Variants in TRAFD1 observed in about 807,000 individuals in gnomAD.
TRAFD1 encodes the protein TRAF-type zinc finger domain-containing protein 1.
Under a neutral mutation model 65.3 loss-of-function variants are expected in TRAFD1, and 38 were observed. The ratio of observed to expected loss-of-function variants is 0.58; its 90% CI spans 0.45 to 0.76. The LOEUF (loss-of-function observed/expected upper bound fraction) is 0.76. TRAFD1 is among the 30% of genes least tolerant of loss of function. The probability of loss-of-function intolerance (pLI) is 0.00; values close to 1 mark genes in which losing one functional copy is unlikely to be tolerated. For missense variants in TRAFD1, 631 were observed against 712.6 expected (o/e 0.89, Z 1.30); for synonymous variants, 223 against 257.2 (o/e 0.87, Z 1.27).
At chr12:112,133,130 A>G (rs181346876) in intron 2 of TRAFD1, 1 of 152,284 alleles carries the variant, frequency 6.6e-6, no homozygotes, top group African/African-American at 2.4e-5. Context: ...TACCTCCTTA[A>G]TTTGTATAGC....
intron 4 of TRAFD1, chr12:112,140,077 C>T: frequency 3.5e-6 from 1 of 287,034 alleles, no homozygotes; most frequent in Non-Finnish European, 7.0e-6. Context: ...GTTAGAGAAA[C>T]CTGTGTCTTT....
Position 112,130,386 on chromosome 12 carries a change from A to G in TRAFD1, c.-12-125A>G. ...AATCCCAAGGGACTGGATATTGAATAAAATGCTTTAACATGCAGGTTTGGG... is the reference window on the plus strand; with the variant it reads ...AATCCCAAGGGACTGGATATTGAATGAAATGCTTTAACATGCAGGTTTGGG... On this transcript the variant is annotated intron_variant, in intron 1 of 11. Coordinates refer to ENST00000412615, the MANE Select transcript of TRAFD1 (RefSeq NM_006700.3). This position sits in a 1 kb window ranked among gnomAD's most constrained non-coding sequence, Gnocchi z 4.4. 1 of 601,522 alleles carries G rather than the reference A, an allele frequency of 1.7e-6. No homozygotes were observed. Among genetic ancestry groups the G allele is most frequent in the Non-Finnish European group, 2.9e-6 (1 of 345,516 alleles). The allele number at this position is 601,522 out of a possible 1,614,324, so 37.3% of individuals were successfully genotyped here.
At chr12:112,126,376 C>T (rs1166333247) in intron 1 of TRAFD1, among the ~76,000 whole-genome samples, 1 of 152,178 alleles carries the variant, frequency 6.6e-6, no homozygotes, top group Non-Finnish European at 1.5e-5. Context: ...TGTGCCTCAA[C>T]TCTTCCGTGC....
Position 112,130,685 on chromosome 12 carries a change from C to G in TRAFD1, c.47+116C>G. 1.2e-6 allele frequency: 1 copy of G among 821,970 alleles called. No individual in the cohort carries two copies. The highest frequency in any genetic ancestry group is 1.9e-6 in the Non-Finnish European group (1 of 534,832). The allele number at this position is 821,970 out of a possible 1,614,324, so 50.9% of individuals were successfully genotyped here. On this transcript the variant is annotated intron_variant, in intron 2 of 11. Transcript: ENST00000412615. This position sits in a 1 kb window ranked among gnomAD's most constrained non-coding sequence, Gnocchi z 4.4. ...CTGGCACAGTCTTGAGTTAAGCTTT[C>G]TATTTTGGTGTTTATAACCCACATG... is the stretch of plus-strand genomic sequence containing the variant.
At chr12:112,128,167 C>T (rs533237367) in intron 1 of TRAFD1, among the ~76,000 whole-genome samples, 132 of 151,932 alleles carry the variant, frequency 8.7e-4, no homozygotes, top group Middle Eastern at 3.4e-3. Flanking sequence ...TACAGGCACC[C>T]GGCTAATTTT....
rs979255597 is a variant in TRAFD1, at chr12:112,152,392, A to T, written c.1620-35A>T. 1 of 1,608,236 alleles carries T rather than the reference A, an allele frequency of 6.2e-7. No homozygotes were observed. Among genetic ancestry groups the T allele is most frequent in the African/African-American group, 1.3e-5 (1 of 74,914 alleles). ...AGTTTGTTGACCTTTGCTCAGGGAC[A>T]CTTCAGGAGCTAGTTTCTAATTGTT... On this transcript the variant is annotated intron_variant, in intron 10 of 11. Coordinates refer to ENST00000412615, the MANE Select transcript of TRAFD1 (RefSeq NM_006700.3). The surrounding 1 kb of genome is among the most constrained non-coding windows in gnomAD (Gnocchi z 5.0).
intron 8 of TRAFD1, chr12:112,149,541 C>T: frequency 3.7e-6 from 2 of 539,776 alleles, no homozygotes; most frequent in Non-Finnish European, 6.5e-6. Flanking sequence ...CATCCCTGCA[C>T]AAATCAGAAA....
At position 112,152,320 on chromosome 12, in the gene TRAFD1, T is replaced by C; in HGVS notation, c.1620-107T>C. ...AAAAATTATTTTGTGGCCTATGGGTTTTTTGGGGTTTGTCTGCTAGCATAG... is the reference window on the plus strand; with the variant it reads ...AAAAATTATTTTGTGGCCTATGGGTCTTTTGGGGTTTGTCTGCTAGCATAG... On this transcript the variant is annotated intron_variant, in intron 10 of 11. Coordinates refer to ENST00000412615, the MANE Select transcript of TRAFD1 (RefSeq NM_006700.3). The surrounding 1 kb of genome is among the most constrained non-coding windows in gnomAD (Gnocchi z 5.0). 1 of 1,502,092 alleles carries C rather than the reference T, an allele frequency of 6.7e-7. No individual in the cohort carries two copies. Among genetic ancestry groups the C allele is most frequent in the Non-Finnish European group, 9.1e-7 (1 of 1,104,936 alleles). The allele number at this position is 1,502,092 out of a possible 1,614,324, so 93.0% of individuals were successfully genotyped here.
chr12:112,143,996 T>A (rs2030165212), intron 6 of TRAFD1, among the ~76,000 whole-genome samples: 1 of 152,092 alleles, frequency 6.6e-6, no homozygotes, highest in African/African-American at 2.4e-5. Context: ...CCCAAAGGAT[T>A]GGGATTACAG....
chr12:112,127,297 A>C (rs1002255224), intron 1 of TRAFD1, among the ~76,000 whole-genome samples: 5 of 152,108 alleles, frequency 3.3e-5, no homozygotes, highest in African/African-American at 1.2e-4. Flanking sequence ...ATTTGCCTCT[A>C]TTCCGCCCCC....
At chr12:112,140,108 C>T (rs1315805189) in intron 4 of TRAFD1, 2 of 326,290 alleles carry the variant, frequency 6.1e-6, no homozygotes, top group Non-Finnish European at 1.2e-5. Context: ...GTTTCTTTTC[C>T]TCATTATTAG....
intron 8 of TRAFD1, among the ~76,000 whole-genome samples, chr12:112,149,087 G>T (rs1313095623): frequency 6.6e-6 from 1 of 151,768 alleles, no homozygotes; most frequent in Non-Finnish European, 1.5e-5. Flanking sequence ...ATGTGGTGGC[G>T]GGCACCTGTA....
chr12:112,138,153 A>G (rs1357702084), intron 4 of TRAFD1, among the ~76,000 whole-genome samples: 1 of 152,098 alleles, frequency 6.6e-6, no homozygotes, highest in African/African-American at 2.4e-5. Flanking sequence ...GAGGTACGAT[A>G]TTGTTTGAGC....
At chr12:112,146,175 TA>T (rs1040756392) in intron 7 of TRAFD1, among the ~76,000 whole-genome samples, 6 of 41,006 alleles carry the variant, frequency 1.5e-4, no homozygotes, top group South Asian at 7.4e-4. Context: ...ATAATAATAA[TA>T]AAAAAAAGAA....
At position 112,137,554 on chromosome 12, in the gene TRAFD1, A is replaced by G. The variant is rs559693878; in HGVS notation, c.237+2488A>G. Among the ~76,000 whole-genome samples the G allele has an allele frequency of 5.7e-3, 873 of 152,150 alleles. 3 individuals are homozygous for G. Among genetic ancestry groups the G allele is most frequent in the Non-Finnish European group, 9.3e-3 (633 of 67,992 alleles). On this transcript the variant is annotated intron_variant, in intron 4 of 11. Coordinates refer to ENST00000412615, the MANE Select transcript of TRAFD1 (RefSeq NM_006700.3). This position sits in a 1 kb window ranked among gnomAD's most constrained non-coding sequence, Gnocchi z 4.2. Reference sequence around the variant, plus strand: ...GAGGCGGGCGGATCACGAGGTCAGAAGATTGAGACCATCCTGGCTAATACG... The same window carrying G: ...GAGGCGGGCGGATCACGAGGTCAGAGGATTGAGACCATCCTGGCTAATACG...
intron 4 of TRAFD1, 120 bp from the exon 5 acceptor site, chr12:112,140,699 T>C (rs1388877926): frequency 1.8e-5 from 21 of 1,147,562 alleles, no homozygotes; most frequent in Non-Finnish European, 2.6e-5. Context: ...TAAAAAAGGG[T>C]AGGAGAATCA....
chr12:112,135,168 G>A (rs2079591377), intron 4 of TRAFD1, 102 bp downstream of exon 4: 1 of 1,322,228 alleles, frequency 7.6e-7, no homozygotes, highest in Non-Finnish European at 1.1e-6. Context: ...TTCTCCGTGA[G>A]CTCACATGCA....
chr12:112,142,806 A>G (rs1475215358), intron 6 of TRAFD1, among the ~76,000 whole-genome samples: 2 of 152,346 alleles, frequency 1.3e-5, no homozygotes, highest in East Asian at 3.9e-4. Flanking sequence ...TATGTGTTCA[A>G]ACTTATTCTC....
At chr12:112,147,625 G>A (rs1401877889) in intron 7 of TRAFD1, among the ~76,000 whole-genome samples, 3 of 151,576 alleles carry the variant, frequency 2.0e-5, no homozygotes, top group Non-Finnish European at 4.4e-5. Flanking sequence ...TGTTCTATGT[G>A]TATTCCTCTT....
Sources: allele counts gnomAD v4.1 joint callset (sites outside exome capture counted in the v4.1 genomes callset), GRCh38; gene constraint gnomAD v4.1.1; non-coding constraint Gnocchi (gnomAD v3.1); transcripts MANE v1.5; gene names NCBI Gene and HGNC (gene_info 2026-07-23, HGNC 2026-07-21).